Variants in DOK6 observed in about 807,000 individuals in gnomAD.
DOK6 encodes the protein docking protein 6.
DOK6 carries 22 observed loss-of-function variants against 44.0 expected under a neutral mutation model. The observed-to-expected ratio is 0.50, with a 90% CI of 0.36 to 0.71. DOK6 has a LOEUF of 0.71. DOK6 is among the 30% of genes least tolerant of loss of function. The pLI, the probability that DOK6 is intolerant of heterozygous loss-of-function variation, is 0.00. For synonymous variants in DOK6, 166 were observed against 145.5 expected, an observed-to-expected ratio of 1.14 and a Z score of -1.01; for missense variants, 340 against 416.4, an observed-to-expected ratio of 0.82 and a Z score of 1.60.
At chr18:69,425,907 G>A (rs749650386) in intron 1 of DOK6, among the ~76,000 whole-genome samples, 5 of 151,934 alleles carry the variant, frequency 3.3e-5, no homozygotes, top group Admixed American at 1.3e-4. Context: ...CTAGATATAC[G>A]TATTCATATT....
intron 3 of DOK6, among the ~76,000 whole-genome samples, chr18:69,646,329 G>C (rs1226754621): frequency 6.6e-6 from 1 of 152,006 alleles, no homozygotes; most frequent in Non-Finnish European, 1.5e-5. Context: ...GACAGAAGGT[G>C]TTTGCTTTCA....
At chr18:69,486,659 T>A (rs1254947765) in intron 1 of DOK6, among the ~76,000 whole-genome samples, 1 of 152,198 alleles carries the variant, frequency 6.6e-6, no homozygotes, top group Non-Finnish European at 1.5e-5. Context: ...CAAGTGAAAC[T>A]TTACACAGAG....
At chr18:69,684,468 A>G (rs1986107357) in intron 4 of DOK6, among the ~76,000 whole-genome samples, 1 of 148,092 alleles carries the variant, frequency 6.8e-6, no homozygotes, top group African/African-American at 2.4e-5. Flanking sequence ...TACAGTAAGA[A>G]TAAAGATGCA....
chr18:69,792,664 C>A (rs35080210), intron 7 of DOK6, among the ~76,000 whole-genome samples: 8,934 of 152,118 alleles, frequency 0.059, 290 homozygotes, highest in African/African-American at 0.087. Flanking sequence ...TTGAATTTGG[C>A]TGCTCTTTAT....
intron 3 of DOK6, among the ~76,000 whole-genome samples, chr18:69,666,502 T>C (rs1985661991): frequency 6.6e-6 from 1 of 152,198 alleles, no homozygotes; most frequent in Non-Finnish European, 1.5e-5. Flanking sequence ...AAAATTTCAG[T>C]GTCTTAACCC....
chr18:69,843,020 A>G lies in DOK6; in HGVS notation c.*1637A>G, dbSNP rs141929695. ...ATCTGTAGCTTGAGTGCAGATTGACAATTCATTTCAGTGAATTACTACCGA... is the reference window on the plus strand; with the variant it reads ...ATCTGTAGCTTGAGTGCAGATTGACGATTCATTTCAGTGAATTACTACCGA... On this transcript the variant is annotated 3_prime_UTR_variant, in exon 8 of 8. Coordinates refer to ENST00000382713, the MANE Select transcript of DOK6 (RefSeq NM_152721.6). The G allele has an allele frequency of 2.6e-5, 4 of 152,116 alleles. No individual in the cohort carries two copies. Among genetic ancestry groups the G allele is most frequent in the Non-Finnish European group, 4.4e-5 (3 of 68,028 alleles). The allele number at this position is 152,116 out of a possible 1,614,324, so 9.4% of individuals were successfully genotyped here. A position where few individuals can be genotyped will look rare whatever the true frequency, so the allele number is the denominator to read the frequency against.
intron 5 of DOK6, among the ~76,000 whole-genome samples, chr18:69,712,432 T>TG (rs1219008123): frequency 2.0e-5 from 3 of 151,832 alleles, no homozygotes; most frequent in African/African-American, 7.3e-5. Context: ...AGGGTGCAAT[T>TG]TACAACTCAG....
chr18:69,527,926 G>A (rs1168479744), intron 1 of DOK6, among the ~76,000 whole-genome samples: 1 of 152,072 alleles, frequency 6.6e-6, no homozygotes, highest in East Asian at 1.9e-4. Context: ...AATGCTGGGA[G>A]GCCAAGGCGG....
chr18:69,406,218 C>T (rs187249433), intron 1 of DOK6, among the ~76,000 whole-genome samples: 169 of 152,266 alleles, frequency 1.1e-3, no homozygotes, highest in African/African-American at 3.9e-3. Flanking sequence ...ATATCTTCTA[C>T]CCAATCCCTA....
At chr18:69,750,341 T>C (rs368634848) in intron 6 of DOK6, among the ~76,000 whole-genome samples, 1 of 151,972 alleles carries the variant, frequency 6.6e-6, no homozygotes, top group Non-Finnish European at 1.5e-5. Context: ...TATAGAACCA[T>C]AGAACAGTCA....
chr18:69,444,266 C>A (rs1311138871), intron 1 of DOK6, among the ~76,000 whole-genome samples: 1 of 152,122 alleles, frequency 6.6e-6, no homozygotes, highest in Non-Finnish European at 1.5e-5. Context: ...GGCTGGTTCA[C>A]TTGCAATGTA....
Position 69,666,992 on chromosome 18 carries a change from A to ACC in DOK6, c.290-10736_290-10735dup, listed in dbSNP as rs149070222. The stretch of plus-strand genomic sequence containing the variant: ...CCAGGGACACTGTGCTCCCAGAAGG[A>ACC]CCCCCCCTCCCCGCCATCCCAACCT... On this transcript the variant is annotated intron_variant, in intron 3 of 7. Coordinates refer to ENST00000382713, the MANE Select transcript of DOK6 (RefSeq NM_152721.6). Among the ~76,000 whole-genome samples, 19 of 151,130 alleles carry ACC rather than the reference A, an allele frequency of 1.3e-4. 1 individual carries two copies. The highest frequency in any genetic ancestry group is 3.6e-4 in the African/African-American group (15 of 41,118).
At chr18:69,665,515 A>G (rs777999483) in intron 3 of DOK6, among the ~76,000 whole-genome samples, 77 of 152,184 alleles carry the variant, frequency 5.1e-4, no homozygotes, top group Admixed American at 3.2e-3. Context: ...GTCCATTGTT[A>G]TCTGAAGTGA....
chr18:69,804,868 A>G (rs992076291), intron 7 of DOK6, among the ~76,000 whole-genome samples: 1 of 152,160 alleles, frequency 6.6e-6, no homozygotes, highest in Non-Finnish European at 1.5e-5. Flanking sequence ...GGTGTTGTGT[A>G]GTCAAATTTT....
intron 1 of DOK6, among the ~76,000 whole-genome samples, chr18:69,556,822 C>G (rs1982698817): frequency 6.6e-6 from 1 of 152,190 alleles, no homozygotes; most frequent in South Asian, 2.1e-4. Flanking sequence ...GAAAAGATAG[C>G]TAAAGCTAAA....
At chr18:69,543,211 A>T (rs1417683618) in intron 1 of DOK6, among the ~76,000 whole-genome samples, 2 of 151,576 alleles carry the variant, frequency 1.3e-5, no homozygotes, top group Non-Finnish European at 3.0e-5. Flanking sequence ...GCTTTCAGAC[A>T]TGAAAAATTG....
At chr18:69,565,503 GTGTGTGTGTGTGTGTGTGTA>G (rs879406849) in intron 2 of DOK6, among the ~76,000 whole-genome samples, 7,204 of 24,302 alleles carry the variant, frequency 0.3, 276 homozygotes, top group Non-Finnish European at 0.5. Context: ...GTGTGTGTGT[GTGTGTGTGTGTGTGTGTGTA>G]TATATATATA....
At chr18:69,489,982 C>T (rs143149153) in intron 1 of DOK6, among the ~76,000 whole-genome samples, 29 of 151,728 alleles carry the variant, frequency 1.9e-4, no homozygotes, top group East Asian at 1.2e-3. Context: ...CAAATTCTGC[C>T]GTATTCACTG....
chr18:69,765,208 T>A (rs1415523982), intron 7 of DOK6, among the ~76,000 whole-genome samples: 2 of 152,186 alleles, frequency 1.3e-5, no homozygotes, highest in African/African-American at 4.8e-5. Context: ...TTTTTCAAGT[T>A]CAAAGCTAAT....
Sources: gnomAD v4.1 joint callset for allele counts (sites outside exome capture counted in the v4.1 genomes callset) on GRCh38, gnomAD v4.1.1 for gene constraint, MANE v1.5 for transcripts, NCBI Gene and HGNC (gene_info 2026-07-23, HGNC 2026-07-21) for gene names.